BFAR: variants seen among roughly 807,000 people sequenced by gnomAD.
BFAR encodes RING finger protein 47.
BFAR carries 52 observed loss-of-function variants against 54.4 expected under a neutral mutation model. That is an observed-to-expected ratio of 0.96 (90% confidence interval 0.77 to 1.21). The LOEUF (loss-of-function observed/expected upper bound fraction) is 1.21, where lower values mean the gene tolerates loss of function less well. Ranked by LOEUF, BFAR falls within the 50% of genes most tolerant of loss-of-function variation. BFAR has a pLI of 0.00. For missense variants in BFAR, 571 were observed against 534.0 expected, an observed-to-expected ratio of 1.07 and a Z score of -0.68; for synonymous variants, 215 against 204.3, an observed-to-expected ratio of 1.05 and a Z score of -0.45.
intron 6 of BFAR, among the ~76,000 whole-genome samples, chr16:14,664,425 G>C (rs538923229): frequency 6.6e-6 from 1 of 151,042 alleles, no homozygotes; most frequent in East Asian, 2.0e-4. Context: ...TACAAGATGA[G>C]TTGATGGATG....
At chr16:14,642,583 G>A (rs1167423789) in intron 1 of BFAR, among the ~76,000 whole-genome samples, 1 of 152,164 alleles carries the variant, frequency 6.6e-6, no homozygotes, top group Non-Finnish European at 1.5e-5. Context: ...AAGCTGGCTG[G>A]ATCCAGAGGG....
chr16:14,665,999 C>T (rs1183669469), intron 7 of BFAR, among the ~76,000 whole-genome samples: 1 of 152,168 alleles, frequency 6.6e-6, no homozygotes, highest in Non-Finnish European at 1.5e-5. Flanking sequence ...TTTCTCTGTC[C>T]CTCACAGCAC....
chr16:14,655,154 C>CT lies in BFAR; in HGVS notation c.728dup (p.Glu244ArgfsTer18). On this transcript the variant is annotated frameshift_variant, in exon 5 of 8. Transcript: ENST00000261658. LOFTEE classifies it high-confidence loss of function. ...CCACAGGAGAGCCATCCTCATGGAG[C>CT]TAGAACGTGTCAAAGCATTAGGCGT... The CT allele has an allele frequency of 6.2e-7, 1 of 1,607,604 alleles. No individual in the cohort carries two copies. The highest frequency in any genetic ancestry group is 1.1e-5 in the South Asian group (1 of 90,070).
intron 2 of BFAR, among the ~76,000 whole-genome samples, chr16:14,645,215 TG>T (rs1010729797): frequency 1.4e-4 from 22 of 151,962 alleles, no homozygotes; most frequent in Non-Finnish European, 2.4e-4. Context: ...TGCCAGTGGC[TG>T]AGGTGGGAGG....
chr16:14,638,093 G>A (rs1238552514), intron 1 of BFAR, among the ~76,000 whole-genome samples: 3 of 152,154 alleles, frequency 2.0e-5, no homozygotes, highest in African/African-American at 7.2e-5. Flanking sequence ...CCTTCTTGCT[G>A]AGAAACAATT....
At chr16:14,635,760 CT>C (rs879348101) in intron 1 of BFAR, among the ~76,000 whole-genome samples, 740 of 144,276 alleles carry the variant, frequency 5.1e-3, no homozygotes, top group Non-Finnish European at 5.3e-3. Flanking sequence ...GCTTCTCTCT[CT>C]TTTTTTTTTT....
intron 2 of BFAR, 103 bp downstream of exon 2, chr16:14,644,712 G>A (rs868550672): frequency 7.3e-7 from 1 of 1,372,206 alleles, no homozygotes; most frequent in Admixed American, 2.1e-5. Context: ...TCGCTATGTT[G>A]CCCAGGCTGG....
chr16:14,636,492 G>A (rs1596961705), intron 1 of BFAR, among the ~76,000 whole-genome samples: 1 of 152,240 alleles, frequency 6.6e-6, no homozygotes, highest in African/African-American at 2.4e-5. Context: ...TTACAGAGCG[G>A]TATTGTTGCC....
chr16:14,651,755 T>A (rs951128183), intron 4 of BFAR, among the ~76,000 whole-genome samples: 1 of 151,938 alleles, frequency 6.6e-6, no homozygotes, highest in African/African-American at 2.4e-5. Context: ...GTTGTGATTA[T>A]AGGCATGAGC....
At chr16:14,646,280 T>G (rs960505387) in intron 2 of BFAR, among the ~76,000 whole-genome samples, 8 of 152,152 alleles carry the variant, frequency 5.3e-5, no homozygotes, top group Non-Finnish European at 7.3e-5. Flanking sequence ...CTCAAACTCC[T>G]TACCTCAGAT....
chr16:14,639,622 C>T (rs1276034377), intron 1 of BFAR, among the ~76,000 whole-genome samples: 1 of 152,186 alleles, frequency 6.6e-6, no homozygotes, highest in Non-Finnish European at 1.5e-5. Flanking sequence ...CACGCCAGGC[C>T]AGAAACAAGT....
In BFAR at chr16:14,653,197, C is replaced by T. The variant is rs1429327137; in HGVS notation, c.639-1869C>T. Among the ~76,000 whole-genome samples the T allele has an allele frequency of 4.6e-5, 7 of 152,090 alleles. 1 individual carries two copies. The highest frequency in any genetic ancestry group is 7.2e-5 in the African/African-American group (3 of 41,416). On this transcript the variant is annotated intron_variant, in intron 4 of 7. Coordinates refer to ENST00000261658, the MANE Select transcript of BFAR (RefSeq NM_016561.3). Reference sequence around the variant, plus strand: ...CATCACCAAATTACCCATAAAAGGACGATCAATTTACACCACTCAACCAGT... The same window carrying T: ...CATCACCAAATTACCCATAAAAGGATGATCAATTTACACCACTCAACCAGT...
chr16:14,646,238 A>C (rs536168123), intron 2 of BFAR, among the ~76,000 whole-genome samples: 1 of 152,172 alleles, frequency 6.6e-6, no homozygotes, highest in Non-Finnish European at 1.5e-5. Flanking sequence ...TTTTTAGTAG[A>C]GACGGGGTTT....
chr16:14,633,243 C>T (rs1029139964), intron 1 of BFAR: 1 of 152,322 alleles, frequency 6.6e-6, no homozygotes, highest in Non-Finnish European at 1.5e-5. Context: ...TTCCCGAGAG[C>T]CCCACGTCCG....
chr16:14,659,161 A>G (rs550101083), intron 5 of BFAR, among the ~76,000 whole-genome samples: 1 of 152,134 alleles, frequency 6.6e-6, no homozygotes, highest in Non-Finnish European at 1.5e-5. Context: ...CACCCGCCTC[A>G]GCCTCCCAAA....
intron 6 of BFAR, 141 bp from the exon 7 acceptor site, chr16:14,664,728 T>TA: frequency 1.3e-6 from 1 of 768,008 alleles, no homozygotes; most frequent in Non-Finnish European, 2.2e-6. Context: ...TTGAACTCCT[T>TA]ACCTCAGGTG....
At chr16:14,664,390 CAAAAAAAAAAAA>C (rs753783830) in intron 6 of BFAR, among the ~76,000 whole-genome samples, 1 of 58,100 alleles carries the variant, frequency 1.7e-5, no homozygotes, top group East Asian at 5.3e-4. Context: ...GACTCCGTCT[CAAAAAAAAAAAA>C]AAAAAAAACA....
intron 5 of BFAR, among the ~76,000 whole-genome samples, chr16:14,658,505 G>A (rs571673272): frequency 6.6e-6 from 1 of 152,204 alleles, no homozygotes; most frequent in South Asian, 2.1e-4. Context: ...AATGATTTGA[G>A]GCTGCTTTTC....
rs543366366 is a variant in BFAR at position 14,659,548 on chromosome 16, T to C, written c.784-2344T>C. On this transcript the variant is annotated intron_variant, in intron 5 of 7. Coordinates refer to ENST00000261658, the MANE Select transcript of BFAR (RefSeq NM_016561.3). The stretch of plus-strand genomic sequence containing the variant: ...CGTGAGCCACCATGTCCGGCCTCTA[T>C]AGTATACTTCTTTTTTTTTTGAGAT... 9.4e-5 allele frequency among the ~76,000 whole-genome samples: 14 copies of C among 149,220 alleles called. No homozygotes were observed. In the East Asian group the frequency reaches 2.6e-3, roughly 28 times the overall value.
Sources: gnomAD v4.1 joint callset for allele counts (sites outside exome capture counted in the v4.1 genomes callset) on GRCh38, gnomAD v4.1.1 for gene constraint, MANE v1.5 for transcripts, NCBI Gene and HGNC (gene_info 2026-07-23, HGNC 2026-07-21) for gene names.